Variants in PIP5K1C observed in about 807,000 individuals in gnomAD.
PIP5K1C encodes phosphatidylinositol-4-phosphate 5-kinase type 1 gamma.
PIP5K1C carries 45 observed loss-of-function variants against 80.1 expected under a neutral mutation model. The ratio of observed to expected loss-of-function variants is 0.56; its 90% CI spans 0.44 to 0.72. The LOEUF (loss-of-function observed/expected upper bound fraction) is 0.72, where lower values mean the gene tolerates loss of function less well. Ranked by LOEUF, PIP5K1C falls within the 30% of genes least tolerant of loss-of-function variation. PIP5K1C has a pLI of 0.00. For missense variants in PIP5K1C, 753 were observed against 954.6 expected, an observed-to-expected ratio of 0.79 and a Z score of 2.78; for synonymous variants, 498 against 420.1, an observed-to-expected ratio of 1.19 and a Z score of -2.27.
intron 1 of PIP5K1C, among the ~76,000 whole-genome samples, chr19:3,686,718 C>G (rs2035772147): frequency 6.7e-6 from 1 of 149,192 alleles, no homozygotes; most frequent in African/African-American, 2.5e-5. Context: ...AACTCCGTCT[C>G]AAAATAAATA....
rs529506358 is a variant in PIP5K1C, at chr19:3,659,019, C to T, written c.468+1947G>A. Among the ~76,000 whole-genome samples, 10 of 152,296 alleles carry T rather than the reference C, an allele frequency of 6.6e-5. No homozygotes were observed. The East Asian group carries it at 1.9e-3, about 29-fold the overall frequency. On this transcript the variant is annotated intron_variant, in intron 5 of 17. Coordinates refer to ENST00000335312, the MANE Select transcript of PIP5K1C (RefSeq NM_012398.3). Reference sequence around the variant, plus strand: ...CAGGGCTGAGCCCCACCCTGCATCCCACCTCCGCCTTCTCCTTCCTGGCTG... The same window carrying T: ...CAGGGCTGAGCCCCACCCTGCATCCTACCTCCGCCTTCTCCTTCCTGGCTG...
At chr19:3,664,047 G>A (rs1162270814) in intron 3 of PIP5K1C, among the ~76,000 whole-genome samples, 6 of 152,226 alleles carry the variant, frequency 3.9e-5, no homozygotes, top group African/African-American at 1.4e-4. Flanking sequence ...ATGAACAGGA[G>A]CAAGGCTCTG....
At chr19:3,662,615 G>C (rs1477828973) in intron 3 of PIP5K1C, among the ~76,000 whole-genome samples, 1 of 152,118 alleles carries the variant, frequency 6.6e-6, no homozygotes, top group Non-Finnish European at 1.5e-5. Flanking sequence ...GCCCAGGCTG[G>C]AGTGCAGTGG....
chr19:3,643,181 A>G (rs1342867042), intron 13 of PIP5K1C, 62 bp downstream of exon 13: 34 of 1,601,896 alleles, frequency 2.1e-5, no homozygotes, highest in Non-Finnish European at 2.7e-5. Flanking sequence ...ACATGCAGTG[A>G]ATGCCCCGCC....
At chr19:3,699,901 G>A (rs2036243440) in intron 1 of PIP5K1C, among the ~76,000 whole-genome samples, 1 of 152,182 alleles carries the variant, frequency 6.6e-6, no homozygotes, top group Non-Finnish European at 1.5e-5. Flanking sequence ...TCGCGCACCC[G>A]GACTCAGGTC....
In PIP5K1C at chr19:3,635,795, C is replaced by T. The variant is rs147056978; in HGVS notation, c.1921-2275G>A. On this transcript the variant is annotated intron_variant, in intron 16 of 17. Transcript: ENST00000335312. ...GAGATTGAGACCATCCTGGTGAACA[C>T]GGTGAAACCTCGTCTCTACTAAAAA... 3.8e-3 allele frequency among the ~76,000 whole-genome samples: 582 copies of T among 152,120 alleles called. 7 individuals are homozygous for T. Among genetic ancestry groups the T allele is most frequent in the Non-Finnish European group, 6.0e-3 (409 of 67,998 alleles).
intron 5 of PIP5K1C, among the ~76,000 whole-genome samples, chr19:3,658,819 G>A (rs2034731564): frequency 6.6e-6 from 1 of 152,248 alleles, no homozygotes; most frequent in Non-Finnish European, 1.5e-5. Flanking sequence ...AATGGCAGTT[G>A]CAGGGCTATG....
chr19:3,693,352 C>T (rs138000400), intron 1 of PIP5K1C, among the ~76,000 whole-genome samples: 2 of 152,180 alleles, frequency 1.3e-5, no homozygotes, highest in African/African-American at 4.8e-5. Context: ...CCAGCTCAGG[C>T]ACCTGGGGGC....
intron 1 of PIP5K1C, among the ~76,000 whole-genome samples, chr19:3,689,297 T>C (rs1478679790): frequency 1.3e-5 from 2 of 152,204 alleles, no homozygotes; most frequent in African/African-American, 4.8e-5. Context: ...GACCTTGGGT[T>C]TCCCCTGGAG....
intron 3 of PIP5K1C, 148 bp downstream of exon 3, chr19:3,664,674 A>G: frequency 1.3e-6 from 1 of 758,308 alleles, no homozygotes; most frequent in Admixed American, 1.9e-5. Context: ...TGAGGACTCC[A>G]GCCTCTGCCT....
intron 7 of PIP5K1C, among the ~76,000 whole-genome samples, 190 bp from the exon 8 acceptor site, chr19:3,652,221 C>T (rs1006415526): frequency 1.1e-4 from 17 of 152,216 alleles, no homozygotes; most frequent in African/African-American, 3.9e-4. Context: ...GGTCACACAG[C>T]GGCATCAGAG....
chr19:3,665,873 T>C lies in PIP5K1C; in HGVS notation c.127-959A>G, dbSNP rs535877994. Among the ~76,000 whole-genome samples, 9 of 152,206 alleles carry C rather than the reference T, an allele frequency of 5.9e-5. No homozygotes were observed. The East Asian group carries it at 1.7e-3, about 29-fold the overall frequency. On this transcript the variant is annotated intron_variant, in intron 2 of 17. Transcript: ENST00000335312. ...CGTCATTTAAGGAGCGCCACTGCGT[T>C]TGCTAGGAGACCCCATGGACCCTCC...
Position 3,696,995 on chromosome 19 carries a change from GGAGGAGGATCGAGCTGGACC to G in PIP5K1C, c.94+3282_94+3301del, listed in dbSNP as rs1568366312. Among the ~76,000 whole-genome samples the G allele has an allele frequency of 7.3e-5, 11 of 151,128 alleles. No homozygotes were observed. In the South Asian group the frequency reaches 2.1e-3, roughly 29 times the overall value. ...TGGACCGAGGAGGACTGAGCTGGAC[GGAGGAGGATCGAGCTGGACC>G]GAGGAGGACCGAGCTGGACAAAGGA... On this transcript the variant is annotated intron_variant, in intron 1 of 17. Coordinates refer to ENST00000335312, the MANE Select transcript of PIP5K1C (RefSeq NM_012398.3). The surrounding 1 kb of genome is among the most constrained non-coding windows in gnomAD (Gnocchi z 4.1).
rs895205339 is a variant in PIP5K1C at position 3,637,229 on chromosome 19, G to A, written c.1920+1655C>T. The stretch of plus-strand genomic sequence containing the variant: ...AGAGGGCTGGGTCCAGGGGCAGAGA[G>A]GGGCTCGCTGGGGTCTGGCCGGGGT... On this transcript the variant is annotated intron_variant, in intron 16 of 17. Coordinates refer to ENST00000335312, the MANE Select transcript of PIP5K1C (RefSeq NM_012398.3). This position sits in a 1 kb window ranked among gnomAD's most constrained non-coding sequence, Gnocchi z 7.0. 1.4e-6 allele frequency: 2 copies of A among 1,440,750 alleles called. No individual in the cohort carries two copies. Among genetic ancestry groups the A allele is most frequent in the South Asian group, 2.9e-5 (2 of 68,238 alleles). 89.2% of individuals were successfully genotyped at this position (1,440,750 alleles called of 1,614,324 possible). A position where few individuals can be genotyped will look rare whatever the true frequency, so the allele number is the denominator to read the frequency against.
intron 1 of PIP5K1C, among the ~76,000 whole-genome samples, chr19:3,681,022 C>CT (rs1396258457): frequency 6.6e-6 from 1 of 152,164 alleles, no homozygotes; most frequent in Non-Finnish European, 1.5e-5. Context: ...GTCGGCAGTG[C>CT]TGAGAGGCAG....
At chr19:3,686,460 T>C (rs1466628212) in intron 1 of PIP5K1C, among the ~76,000 whole-genome samples, 2 of 149,904 alleles carry the variant, frequency 1.3e-5, no homozygotes, top group African/African-American at 2.5e-5. Context: ...GGCTCACGTG[T>C]GTAATCCTAG....
intron 8 of PIP5K1C, among the ~76,000 whole-genome samples, chr19:3,650,467 G>C (rs2034396127): frequency 6.6e-6 from 1 of 152,258 alleles, no homozygotes; most frequent in Non-Finnish European, 1.5e-5. Flanking sequence ...CATGTCTGGG[G>C]ACATCTGTGG....
At position 3,637,091 on chromosome 19, in the gene PIP5K1C, C is replaced by G. The variant is rs1568307485; in HGVS notation, c.1920+1793G>C. 5.5e-6 allele frequency: 7 copies of G among 1,279,690 alleles called. No homozygotes were observed. The highest frequency in any genetic ancestry group is 6.9e-6 in the Non-Finnish European group (7 of 1,008,198). 79.3% of individuals were successfully genotyped at this position (1,279,690 alleles called of 1,614,324 possible). On this transcript the variant is annotated intron_variant, in intron 16 of 17. Transcript: ENST00000335312. This position sits in a 1 kb window ranked among gnomAD's most constrained non-coding sequence, Gnocchi z 7.0. ...TCTCCATGGCCCTGCGGTTCAGAGC[C>G]CGGCCCTGCAGCCACTCTGCTGACC...
intron 5 of PIP5K1C, among the ~76,000 whole-genome samples, chr19:3,659,457 G>A (rs939235939): frequency 2.8e-4 from 42 of 152,344 alleles, no homozygotes; most frequent in African/African-American, 8.9e-4. Flanking sequence ...GCTTTTATCC[G>A]TCCACTCCTG....
Sources: gnomAD v4.1 joint callset for allele counts (sites outside exome capture counted in the v4.1 genomes callset) on GRCh38, gnomAD v4.1.1 for gene constraint, Gnocchi (gnomAD v3.1) non-coding constraint, MANE v1.5 for transcripts, NCBI Gene and HGNC (gene_info 2026-07-23, HGNC 2026-07-21) for gene names.